The following UBQLN1 variants were observed in gnomAD, a reference collection of about 807,000 sequenced individuals.
UBQLN1 encodes the protein ubiquilin 1, also known as ubiquilin-1.
In UBQLN1, 13 loss-of-function variants were observed where a neutral mutation model predicts 65.4. That is an observed-to-expected ratio of 0.20 (90% confidence interval 0.13 to 0.32). The LOEUF is 0.32. Among genes scored for constraint, UBQLN1 ranks in the 10% least tolerant of loss-of-function variants. The pLI is 1.00. For missense variants in UBQLN1, 561 were observed against 724.0 expected (o/e 0.77, Z 2.58); for synonymous variants, 267 against 247.8 (o/e 1.08, Z -0.73).
At chr9:83,692,141 T>A (rs1338910861) in intron 1 of UBQLN1, among the ~76,000 whole-genome samples, 1 of 152,226 alleles carries the variant, frequency 6.6e-6, no homozygotes, top group Non-Finnish European at 1.5e-5. Context: ...AAAAGAATCT[T>A]AAGTTTAATT....
At position 83,678,137 on chromosome 9, in the gene UBQLN1, T is replaced by C. The variant is rs901801736; in HGVS notation, c.871-176A>G. Among the ~76,000 whole-genome samples, 13 of 151,322 alleles carry C rather than the reference T, an allele frequency of 8.6e-5. 1 individual carries two copies. The East Asian group carries it at 2.5e-3, about 30-fold the overall frequency. On this transcript the variant is annotated intron_variant, in intron 5 of 10. Coordinates refer to ENST00000376395, the MANE Select transcript of UBQLN1 (RefSeq NM_013438.5). ...CCTGTGTTCACACCATTCTCCTGCC[T>C]CAGCCTCCCGAGTAGCTGGGACTAC...
intron 9 of UBQLN1, 127 bp downstream of exon 9, chr9:83,664,903 G>A: frequency 1.6e-6 from 1 of 633,928 alleles, no homozygotes; most frequent in South Asian, 2.5e-5. Context: ...CTAGGCGAAG[G>A]GCGAGACCCT....
intron 3 of UBQLN1, among the ~76,000 whole-genome samples, chr9:83,681,880 G>A (rs766323798): frequency 7.2e-5 from 11 of 152,170 alleles, no homozygotes; most frequent in Non-Finnish European, 1.5e-4. Context: ...CTATAATACA[G>A]CAGAATGAAA....
intron 9 of UBQLN1, among the ~76,000 whole-genome samples, chr9:83,664,528 G>T (rs183005194): frequency 6.6e-6 from 1 of 151,470 alleles, no homozygotes; most frequent in African/African-American, 2.4e-5. Context: ...GAGGTGGGAG[G>T]ATCACCTGAG....
rs780915688 is a variant in UBQLN1, at chr9:83,679,925, G to A, written c.561C>T (p.Val187=). Residue 187 remains valine (V), a synonymous_variant, in exon 4 of 11, where the codon GTC becomes GTT. Coordinates refer to ENST00000376395, the MANE Select transcript of UBQLN1 (RefSeq NM_013438.5). The part of the protein sequence containing the change: ...RQLLSNPEMM[V]QIMENPFVQS... ...GAACAAAGGGATTTTCCATGATCTG[G>A]ACCATCATTTCAGGGTTAGACAAAA... The A allele has an allele frequency of 1.1e-5, 18 of 1,614,006 alleles. No individual in the cohort carries two copies. The South Asian group carries it at 1.9e-4, about 17-fold the overall frequency.
intron 9 of UBQLN1, 111 bp downstream of exon 9, chr9:83,664,919 C>G (rs1831618624): frequency 1.5e-6 from 1 of 673,138 alleles, no homozygotes; most frequent in Non-Finnish European, 2.2e-6. Context: ...ACCCTGTATC[C>G]CACCAAAAAA....
chr9:83,679,907 G>C lies in UBQLN1; in HGVS notation c.579C>G (p.Pro193=), dbSNP rs1403227483. 1 of 1,614,128 alleles carries C rather than the reference G, an allele frequency of 6.2e-7. No individual in the cohort carries two copies. Among genetic ancestry groups the C allele is most frequent in the Admixed American group, 1.7e-5 (1 of 60,008 alleles). Residue 193 remains proline (P), a synonymous_variant, in exon 4 of 11, where the codon CCC becomes CCG. Transcript: ENST00000376395. ...GATTTGAGAGCATGCTCTGAACAAA[G>C]GGATTTTCCATGATCTGGACCATCA... ...PEMMVQIMEN[P]FVQSMLSNPD...
intron 1 of UBQLN1, among the ~76,000 whole-genome samples, chr9:83,688,491 T>C (rs1283067630): frequency 6.6e-6 from 1 of 152,160 alleles, no homozygotes; most frequent in Admixed American, 6.6e-5. Context: ...TATTCTGAAA[T>C]AAGTGACTTA....
chr9:83,700,034 G>T (rs1446231726), intron 1 of UBQLN1, among the ~76,000 whole-genome samples: 1 of 152,132 alleles, frequency 6.6e-6, no homozygotes, highest in East Asian at 1.9e-4. Flanking sequence ...TGAAGAACGG[G>T]TTGATAAACC....
rs573461912 is a variant in UBQLN1, at chr9:83,664,965, A to C, written c.1448+65T>G. The C allele has an allele frequency of 3.3e-6, 4 of 1,200,732 alleles. No homozygotes were observed. The South Asian group carries it at 6.1e-5, about 18-fold the overall frequency. The allele number at this position is 1,200,732 out of a possible 1,614,324, so 74.4% of individuals were successfully genotyped here. A position where few individuals can be genotyped will look rare whatever the true frequency, so the allele number is the denominator to read the frequency against. On this transcript the variant is annotated intron_variant, in intron 9 of 10. Coordinates refer to ENST00000376395, the MANE Select transcript of UBQLN1 (RefSeq NM_013438.5). Reference sequence around the variant, plus strand: ...AAAAAAAGGCAGGCAGAATAATACTAAATCTGAAATTCTCAGAGAAAGTAA... The same window carrying C: ...AAAAAAAGGCAGGCAGAATAATACTCAATCTGAAATTCTCAGAGAAAGTAA...
intron 1 of UBQLN1, among the ~76,000 whole-genome samples, chr9:83,691,381 T>C (rs1343394289): frequency 6.6e-6 from 1 of 151,872 alleles, no homozygotes; most frequent in East Asian, 1.9e-4. Flanking sequence ...AAACCTGATA[T>C]CCAAAACAGC....
intron 7 of UBQLN1, chr9:83,667,646 C>T (rs1831663017): frequency 1.0e-6 from 1 of 985,234 alleles, no homozygotes; most frequent in South Asian, 4.7e-5. Context: ...GGTTATCACA[C>T]ATATCTTTTG....
intron 3 of UBQLN1, 124 bp downstream of exon 3, chr9:83,682,827 T>TG (rs1187763748): frequency 1.6e-5 from 8 of 501,328 alleles, no homozygotes; most frequent in African/African-American, 3.9e-5. Context: ...AATGTATGTT[T>TG]TTTTTTTTTA....
At chr9:83,662,339 TGTAGCTACTGACCAATTGA>T (rs1831575037) in intron 10 of UBQLN1, among the ~76,000 whole-genome samples, 1 of 151,908 alleles carries the variant, frequency 6.6e-6, no homozygotes, top group African/African-American at 2.4e-5. Flanking sequence ...AGATGATTTG[TGTAGCTACTGACCAATTGA>T]GTAACTATAA....
chr9:83,692,855 AAAT>A (rs1168267426), intron 1 of UBQLN1, among the ~76,000 whole-genome samples: 3 of 152,200 alleles, frequency 2.0e-5, no homozygotes, highest in Non-Finnish European at 2.9e-5. Flanking sequence ...TCCGTTTTAA[AAAT>A]AATAATAACA....
At chr9:83,705,246 C>CTT (rs57550660) in intron 1 of UBQLN1, among the ~76,000 whole-genome samples, 39,432 of 129,512 alleles carry the variant, frequency 0.3, 7,459 homozygotes, top group East Asian at 0.82. Flanking sequence ...GCCAGCACTC[C>CTT]TTTTTTTTTT....
intron 1 of UBQLN1, among the ~76,000 whole-genome samples, chr9:83,700,003 A>T (rs1832284972): frequency 6.6e-6 from 1 of 152,232 alleles, no homozygotes; most frequent in Non-Finnish European, 1.5e-5. Context: ...TCCAGCAAAC[A>T]CTACAAATCA....
chr9:83,673,141 A>C, intron 6 of UBQLN1, among the ~76,000 whole-genome samples: 1 of 152,116 alleles, frequency 6.6e-6, no homozygotes, highest in Non-Finnish European at 1.5e-5. Flanking sequence ...GAGAAGGGAG[A>C]ATCGTTTGAA....
intron 1 of UBQLN1, among the ~76,000 whole-genome samples, chr9:83,701,375 C>G (rs573528226): frequency 6.6e-6 from 1 of 152,230 alleles, no homozygotes; most frequent in East Asian, 1.9e-4. Context: ...CTTAAAGACT[C>G]TAGCCAAGTG....
Sources: gnomAD v4.1 joint callset for allele counts (sites outside exome capture counted in the v4.1 genomes callset) on GRCh38, gnomAD v4.1.1 for gene constraint, MANE v1.5 for transcripts, NCBI Gene and HGNC (gene_info 2026-07-23, HGNC 2026-07-21) for gene names.